Variants in ADAM7 observed in about 807,000 individuals in gnomAD.
ADAM7 encodes the protein disintegrin and metalloproteinase domain-containing protein 7.
ADAM7 carries 97 observed loss-of-function variants against 102.9 expected under a neutral mutation model. The ratio of observed to expected loss-of-function variants is 0.94; its 90% CI spans 0.80 to 1.12. ADAM7 has a LOEUF of 1.12. Among genes scored for constraint, ADAM7 ranks in the 50% most tolerant of loss-of-function variants. The pLI is 0.00. For missense variants in ADAM7, 991 were observed against 908.7 expected, an observed-to-expected ratio of 1.09 and a Z score of -1.16; for synonymous variants, 334 against 304.4, an observed-to-expected ratio of 1.10 and a Z score of -1.01.
At chr8:24,450,444 C>T (rs1489288958) in intron 3 of ADAM7, among the ~76,000 whole-genome samples, 2 of 151,732 alleles carry the variant, frequency 1.3e-5, no homozygotes, top group Non-Finnish European at 2.9e-5. Context: ...TGATTTGGCT[C>T]TCTGTTTGTC....
chr8:24,475,970 T>C (rs1284922846), intron 7 of ADAM7: 4 of 456,180 alleles, frequency 8.8e-6, no homozygotes, highest in Non-Finnish European at 1.8e-5. Flanking sequence ...TCTTCAGCAC[T>C]TCTCCAGCTC....
rs1820531064 is a variant in ADAM7, at chr8:24,495,744, T to C, written c.1842+2515T>C. Among the ~76,000 whole-genome samples the C allele has an allele frequency of 2.0e-5, 3 of 152,166 alleles. No homozygotes were observed. In the South Asian group the frequency reaches 6.2e-4, roughly 32 times the overall value. On this transcript the variant is annotated intron_variant, in intron 16 of 21. Coordinates refer to ENST00000175238, the MANE Select transcript of ADAM7 (RefSeq NM_003817.4). Reference sequence around the variant, plus strand: ...CTGAAGAGAGATGATTTAGGGTATCTGGTGGAAGAAATTTCTAAGCAGCAA... The same window carrying C: ...CTGAAGAGAGATGATTTAGGGTATCCGGTGGAAGAAATTTCTAAGCAGCAA...
At chr8:24,507,577 CAAATGCTGGCA>C in intron 21 of ADAM7, 42 bp downstream of exon 21, 2 of 1,486,178 alleles carry the variant, frequency 1.3e-6, no homozygotes, top group Non-Finnish European at 1.9e-6. Flanking sequence ...TTTTATTTTT[CAAATGCTGGCA>C]TAGTTTTGTG....
chr8:24,454,454 A>T (rs1161379815), intron 3 of ADAM7, among the ~76,000 whole-genome samples: 1 of 152,154 alleles, frequency 6.6e-6, no homozygotes, highest in Non-Finnish European at 1.5e-5. Context: ...AGACCCTCCG[A>T]GCCAGGTGCG....
chr8:24,447,819 T>C (rs1818620064), intron 3 of ADAM7, among the ~76,000 whole-genome samples: 3 of 152,096 alleles, frequency 2.0e-5, no homozygotes, highest in Non-Finnish European at 4.4e-5. Flanking sequence ...ACAAAATAGC[T>C]CTGTCTCAGA....
rs547746436 is a variant in ADAM7 at position 24,503,215 on chromosome 8, T to C, written c.2208+1639T>C. ...CTGAGAAAATTCAGTAAACTAGGAA[T>C]GTAAGCAATATATGAAGATCTAAGA... On this transcript the variant is annotated intron_variant, in intron 20 of 21. Coordinates refer to ENST00000175238, the MANE Select transcript of ADAM7 (RefSeq NM_003817.4). 5.9e-5 allele frequency among the ~76,000 whole-genome samples: 9 copies of C among 152,164 alleles called. No individual in the cohort carries two copies. In the South Asian group the frequency reaches 1.9e-3, roughly 32 times the overall value.
At chr8:24,475,000 G>T (rs930983566) in intron 7 of ADAM7, among the ~76,000 whole-genome samples, 1 of 152,150 alleles carries the variant, frequency 6.6e-6, no homozygotes, top group Non-Finnish European at 1.5e-5. Flanking sequence ...TTGGAAACCT[G>T]TTGAGAAGTT....
In ADAM7 at chr8:24,500,217, C is replaced by G; in HGVS notation, c.1963C>G (p.Gln655Glu). The change falls in exon 18 of 22, where the codon CAG becomes GAG. Residue 655 changes from glutamine to glutamate, a missense_variant. Transcript: ENST00000175238. The stretch of plus-strand genomic sequence containing the variant: ...ACTCCAGTGCCACTGTGAGGAAGGA[C>G]AGGCACCTGTAGCCTGTGAAGAAAC... Reference protein sequence around the residue: ...HGLQCHCEEGQAPVACEETLH... With the variant: ...HGLQCHCEEGEAPVACEETLH... 3 of 1,612,212 alleles carry G rather than the reference C, an allele frequency of 1.9e-6. No homozygotes were observed. The highest frequency in any genetic ancestry group is 2.5e-6 in the Non-Finnish European group (3 of 1,178,682).
At chr8:24,505,365 A>AAT (rs768127681) in intron 20 of ADAM7, among the ~76,000 whole-genome samples, 14 of 152,148 alleles carry the variant, frequency 9.2e-5, no homozygotes, top group Non-Finnish European at 1.9e-4. Context: ...AAGATGAATA[A>AAT]ATATCTGTTG....
intron 16 of ADAM7, 117 bp downstream of exon 16, chr8:24,493,346 C>A (rs1820435211): frequency 1.1e-6 from 1 of 910,814 alleles, no homozygotes; most frequent in South Asian, 2.6e-5. Flanking sequence ...AAAATATTGA[C>A]AAGTATTTTT....
At chr8:24,464,293 C>T (rs576680545) in intron 4 of ADAM7, among the ~76,000 whole-genome samples, 2 of 151,672 alleles carry the variant, frequency 1.3e-5, no homozygotes, top group South Asian at 2.1e-4. Flanking sequence ...TCAAGCTAAA[C>T]GGATAAAATC....
chr8:24,451,473 T>C (rs1818786742), intron 3 of ADAM7, among the ~76,000 whole-genome samples: 1 of 152,246 alleles, frequency 6.6e-6, no homozygotes, highest in Non-Finnish European at 1.5e-5. Flanking sequence ...GTAGTTTGTA[T>C]TTCTTTGGGA....
intron 17 of ADAM7, among the ~76,000 whole-genome samples, chr8:24,499,842 A>AT (rs1820692863): frequency 1.3e-5 from 2 of 151,646 alleles, no homozygotes; most frequent in African/African-American, 4.9e-5. Flanking sequence ...CACATCACAC[A>AT]CACACACACA....
intron 3 of ADAM7, among the ~76,000 whole-genome samples, chr8:24,456,632 ATTT>A (rs71212541): frequency 1.0e-3 from 142 of 136,826 alleles, no homozygotes; most frequent in Non-Finnish European, 1.1e-3. Flanking sequence ...TGTCCTGGGA[ATTT>A]TTTTTTTTTT....
chr8:24,453,019 T>A (rs1389842447), intron 3 of ADAM7, among the ~76,000 whole-genome samples: 2 of 151,074 alleles, frequency 1.3e-5, no homozygotes, highest in East Asian at 1.9e-4. Flanking sequence ...CCGAGAGATC[T>A]GCTGTTAGTC....
At position 24,465,635 on chromosome 8, in the gene ADAM7, G is replaced by A. The variant is rs1050833220; in HGVS notation, c.313-64G>A. 4 of 956,270 alleles carry A rather than the reference G, an allele frequency of 4.2e-6. No individual in the cohort carries two copies. The African/African-American group carries it at 5.1e-5, about 12-fold the overall frequency. The allele number at this position is 956,270 out of a possible 1,614,324, so 59.2% of individuals were successfully genotyped here. A position where few individuals can be genotyped will look rare whatever the true frequency, so the allele number is the denominator to read the frequency against. Reference sequence around the variant, plus strand: ...ATATATTCTGAACAGAAAATATTTAGATATTAGTATCTATATAAAATCAAT... The same window carrying A: ...ATATATTCTGAACAGAAAATATTTAAATATTAGTATCTATATAAAATCAAT... On this transcript the variant is annotated intron_variant, in intron 4 of 21. Coordinates refer to ENST00000175238, the MANE Select transcript of ADAM7 (RefSeq NM_003817.4).
At chr8:24,468,194 G>A (rs1013602886) in intron 6 of ADAM7, among the ~76,000 whole-genome samples, 8 of 152,036 alleles carry the variant, frequency 5.3e-5, no homozygotes, top group Non-Finnish European at 1.2e-4. Flanking sequence ...TACAAGAAAT[G>A]CAGTCAGTCC....
At chr8:24,469,480 G>A (rs944905110) in intron 7 of ADAM7, among the ~76,000 whole-genome samples, 34 of 152,104 alleles carry the variant, frequency 2.2e-4, no homozygotes, top group African/African-American at 6.5e-4. Flanking sequence ...TTCAGATGCA[G>A]CACTGCCAAG....
Position 24,485,308 on chromosome 8 carries a change from A to G in ADAM7, c.907A>G (p.Ile303Val), listed in dbSNP as rs1820103384. 1 of 1,613,512 alleles carries G rather than the reference A, an allele frequency of 6.2e-7. No homozygotes were observed. Among genetic ancestry groups the G allele is most frequent in the Non-Finnish European group, 8.5e-7 (1 of 1,179,750 alleles). Residue 303 changes from isoleucine (I) to valine (V), a missense_variant, in exon 10 of 22, where the codon ATT becomes GTT. Transcript: ENST00000175238. ...GKWLYSHVQG[I>V]SYPGGMCLPY... ...GTGGCTCTACTCACATGTGCAAGGA[A>G]TTTCTTATCCAGGGGGTATGTGCCT...
Sources: gnomAD v4.1 joint callset for allele counts (sites outside exome capture counted in the v4.1 genomes callset) on GRCh38, gnomAD v4.1.1 for gene constraint, MANE v1.5 for transcripts, NCBI Gene and HGNC (gene_info 2026-07-23, HGNC 2026-07-21) for gene names.